Variants in CEP112 observed in about 807,000 individuals in gnomAD.
The protein encoded by CEP112 is centrosomal protein of 112 kDa.
A neutral mutation model predicts 153.0 loss-of-function variants in CEP112; 127 were observed. The ratio of observed to expected loss-of-function variants is 0.83; its 90% CI spans 0.72 to 0.96. CEP112 has a LOEUF of 0.96. CEP112 is among the 40% of genes least tolerant of loss of function. The pLI is 0.00. For synonymous variants in CEP112, 358 were observed against 374.4 expected, an observed-to-expected ratio of 0.96 and a Z score of 0.51; for missense variants, 1,089 against 1,101.2, an observed-to-expected ratio of 0.99 and a Z score of 0.16.
intron 12 of CEP112, among the ~76,000 whole-genome samples, chr17:66,052,916 G>A (rs1163914418): frequency 6.6e-6 from 1 of 152,068 alleles, no homozygotes; most frequent in Non-Finnish European, 1.5e-5. Flanking sequence ...AGACCAGCCT[G>A]GCCAACATGG....
At chr17:65,933,691 G>A (rs1026650863) in intron 18 of CEP112, among the ~76,000 whole-genome samples, 2 of 152,120 alleles carry the variant, frequency 1.3e-5, no homozygotes, top group Non-Finnish European at 2.9e-5. Context: ...CAGGAATTAT[G>A]AAAAGGAGTT....
intron 18 of CEP112, among the ~76,000 whole-genome samples, chr17:65,941,216 C>T (rs2061496920): frequency 6.6e-6 from 1 of 151,472 alleles, no homozygotes; most frequent in Non-Finnish European, 1.5e-5. Context: ...TTACTTTGGG[C>T]AAGTTGAAAT....
intron 1 of CEP112, among the ~76,000 whole-genome samples, chr17:66,184,937 T>C (rs537757154): frequency 1.3e-5 from 2 of 152,092 alleles, no homozygotes; most frequent in African/African-American, 2.4e-5. Context: ...ACACAAAACA[T>C]GGAAACTTCA....
At chr17:66,087,696 G>A (rs1283794180) in intron 8 of CEP112, among the ~76,000 whole-genome samples, 3 of 152,160 alleles carry the variant, frequency 2.0e-5, no homozygotes, top group Admixed American at 6.5e-5. Context: ...ATTACAGCAC[G>A]AAATAGGAAA....
intron 21 of CEP112, among the ~76,000 whole-genome samples, chr17:65,819,477 C>A (rs1205394975): frequency 6.6e-6 from 1 of 151,872 alleles, no homozygotes; most frequent in Non-Finnish European, 1.5e-5. Flanking sequence ...AATTAGTGAA[C>A]AAAAGTCTAA....
At chr17:65,792,590 A>AG (rs2054655357) in intron 21 of CEP112, among the ~76,000 whole-genome samples, 1 of 151,904 alleles carries the variant, frequency 6.6e-6, no homozygotes, top group African/African-American at 2.4e-5. Context: ...TCTTTAAAAA[A>AG]AAAAGTAAAT....
At chr17:66,018,167 A>G (rs139632802) in intron 16 of CEP112, among the ~76,000 whole-genome samples, 1 of 152,350 alleles carries the variant, frequency 6.6e-6, no homozygotes, top group African/African-American at 2.4e-5. Context: ...TAATACCAGA[A>G]AAGTATTTAA....
rs145532371 is a variant in CEP112, at chr17:65,784,670, G to A, written c.2395-33946C>T. On this transcript the variant is annotated intron_variant, in intron 21 of 26. Coordinates refer to ENST00000535342, the MANE Select transcript of CEP112 (RefSeq NM_001199165.4). ...AAATTTTTGTATTTTTAGTAGAGAC[G>A]GGGTTTCACCATATTGACCAGGCTG... is the stretch of plus-strand genomic sequence containing the variant. 3.4e-3 allele frequency among the ~76,000 whole-genome samples: 511 copies of A among 152,096 alleles called. 2 individuals carry two copies. The highest frequency in any genetic ancestry group is 0.012 in the African/African-American group (496 of 41,500).
chr17:65,773,630 C>A (rs2053511176), intron 21 of CEP112, among the ~76,000 whole-genome samples: 1 of 152,024 alleles, frequency 6.6e-6, no homozygotes, highest in African/African-American at 2.4e-5. Flanking sequence ...CATATGGTGA[C>A]TATCTCCTGT....
chr17:65,650,387 C>T (rs115628468), intron 24 of CEP112, among the ~76,000 whole-genome samples: 112 of 152,246 alleles, frequency 7.4e-4, no homozygotes, highest in African/African-American at 2.6e-3. Context: ...CAAAAACGGG[C>T]CCCACACCAG....
chr17:66,032,322 T>C (rs1342055717), intron 12 of CEP112, among the ~76,000 whole-genome samples: 2 of 149,236 alleles, frequency 1.3e-5, no homozygotes. Context: ...AGTCTTAGCA[T>C]TCACAGGGCA....
chr17:65,830,252 A>G (rs1423409134), intron 21 of CEP112, among the ~76,000 whole-genome samples: 1 of 152,222 alleles, frequency 6.6e-6, no homozygotes, highest in East Asian at 1.9e-4. Flanking sequence ...CAGAACTTGG[A>G]GGAAAGCAGA....
intron 19 of CEP112, among the ~76,000 whole-genome samples, chr17:65,915,780 T>A (rs1166703150): frequency 3.1e-5 from 3 of 96,220 alleles, no homozygotes; most frequent in African/African-American, 4.2e-5. Context: ...AGAGTGAGAC[T>A]CAAACTCAAA....
At chr17:66,133,067 C>CA (rs2070269163) in intron 4 of CEP112, among the ~76,000 whole-genome samples, 1 of 146,082 alleles carries the variant, frequency 6.8e-6, no homozygotes, top group Non-Finnish European at 1.5e-5. Flanking sequence ...AAAAAACACA[C>CA]AAAAAATGAT....
intron 4 of CEP112, among the ~76,000 whole-genome samples, chr17:66,161,762 C>T (rs1203045064): frequency 6.6e-6 from 1 of 151,812 alleles, no homozygotes; most frequent in Non-Finnish European, 1.5e-5. Flanking sequence ...AGCAAACCAC[C>T]GTGGCATGTG....
intron 1 of CEP112, among the ~76,000 whole-genome samples, chr17:66,185,386 C>T (rs1338066342): frequency 6.6e-6 from 1 of 152,098 alleles, no homozygotes; most frequent in African/African-American, 2.4e-5. Flanking sequence ...CCATGCCCGG[C>T]TAACTTTTCT....
chr17:65,703,588 C>T (rs192429360), intron 23 of CEP112, among the ~76,000 whole-genome samples: 2 of 150,128 alleles, frequency 1.3e-5, no homozygotes, highest in Admixed American at 1.3e-4. Flanking sequence ...CGAAGTCTTG[C>T]AGACAGGAAA....
chr17:66,097,571 A>G (rs2068399681), intron 6 of CEP112, among the ~76,000 whole-genome samples: 1 of 152,172 alleles, frequency 6.6e-6, no homozygotes, highest in Non-Finnish European at 1.5e-5. Flanking sequence ...CTCCTAAAGT[A>G]TCCTATGTCC....
At chr17:66,073,677 A>G (rs1270417583) in intron 8 of CEP112, among the ~76,000 whole-genome samples, 3 of 152,228 alleles carry the variant, frequency 2.0e-5, no homozygotes, top group Admixed American at 6.5e-5. Context: ...AAGGACTGAA[A>G]GCAAGCCTCA....
Sources: allele counts gnomAD v4.1 joint callset (sites outside exome capture counted in the v4.1 genomes callset), GRCh38; gene constraint gnomAD v4.1.1; transcripts MANE v1.5; gene names NCBI Gene and HGNC (gene_info 2026-07-23, HGNC 2026-07-21).